The following NR5A2 variants were observed in gnomAD, a reference collection of about 807,000 sequenced individuals.
The protein encoded by NR5A2 is nuclear receptor subfamily 5 group A member 2.
NR5A2 carries 26 observed loss-of-function variants against 62.7 expected under a neutral mutation model. The observed-to-expected ratio is 0.41, with a 90% CI of 0.30 to 0.58. NR5A2 has a LOEUF of 0.58. Among genes scored for constraint, NR5A2 ranks in the 20% least tolerant of loss-of-function variants. The pLI, the probability that NR5A2 is intolerant of heterozygous loss-of-function variation, is 0.22. For missense variants in NR5A2, 541 were observed against 669.1 expected (o/e 0.81, Z 2.11); for synonymous variants, 246 against 241.7 (o/e 1.02, Z -0.16).
chr1:200,067,974 A>G (rs1663572741), intron 5 of NR5A2, among the ~76,000 whole-genome samples: 1 of 152,174 alleles, frequency 6.6e-6, no homozygotes, highest in Non-Finnish European at 1.5e-5. Flanking sequence ...ATTACCTTTA[A>G]AGGTATTTTT....
intron 2 of NR5A2, among the ~76,000 whole-genome samples, chr1:200,042,376 C>A (rs1185585360): frequency 2.0e-5 from 3 of 152,040 alleles, no homozygotes; most frequent in Admixed American, 2.0e-4. Context: ...AGCTCGGGAA[C>A]CAAAGAGAAA....
chr1:200,069,543 C>T (rs558947175), intron 5 of NR5A2, among the ~76,000 whole-genome samples: 2 of 152,252 alleles, frequency 1.3e-5, no homozygotes, highest in East Asian at 3.9e-4. Flanking sequence ...CGTGAGCCAC[C>T]ACACTTGGCC....
chr1:200,137,240 T>A (rs1234712863), intron 7 of NR5A2, among the ~76,000 whole-genome samples: 3 of 151,814 alleles, frequency 2.0e-5, no homozygotes, highest in African/African-American at 7.3e-5. Context: ...AACCTCTGTC[T>A]CCCAGGTTCA....
intron 5 of NR5A2, among the ~76,000 whole-genome samples, chr1:200,093,472 A>G (rs927866342): frequency 3.9e-5 from 6 of 152,184 alleles, no homozygotes; most frequent in African/African-American, 9.7e-5. Context: ...CAATTTTTAA[A>G]AGATGTATAG....
At chr1:200,124,337 A>G (rs923198291) in intron 7 of NR5A2, among the ~76,000 whole-genome samples, 11 of 152,208 alleles carry the variant, frequency 7.2e-5, no homozygotes, top group Non-Finnish European at 1.3e-4. Flanking sequence ...ATTCTTCACT[A>G]AAGTTTGTTA....
Position 200,048,544 on chromosome 1 carries a change from G to A in NR5A2, c.836G>A (p.Ser279Asn). 6.2e-7 allele frequency: 1 copy of A among 1,614,076 alleles called. No individual in the cohort carries two copies. The highest frequency in any genetic ancestry group is 8.5e-7 in the Non-Finnish European group (1 of 1,180,022). ...IKSEYPDPYT[S>N]SPESIMGYSY... ...TCTGAGTACCCAGACCCCTATACCA[G>A]CTCACCCGAGTCCATAATGGGCTAT... Residue 279 changes from serine (S) to asparagine (N), a missense_variant, in exon 5 of 8, where the codon AGC (serine) becomes AAC (asparagine). By Grantham distance (46) the Ser-to-Asn change is conservative (BLOSUM62 1). Around this residue, in one of 3 missense-constraint regions of NR5A2, gnomAD observed 379 missense variants for 442.0 expected, o/e 0.86. Coordinates refer to ENST00000367362, the MANE Select transcript of NR5A2 (RefSeq NM_205860.3). This position sits in a 1 kb window ranked among gnomAD's most constrained non-coding sequence, Gnocchi z 4.8.
chr1:200,031,983 A>G (rs1214247161), intron 1 of NR5A2, among the ~76,000 whole-genome samples: 1 of 152,136 alleles, frequency 6.6e-6, no homozygotes, highest in Non-Finnish European at 1.5e-5. Flanking sequence ...ACCAGACACA[A>G]TGTCTAGGAT....
chr1:200,068,988 A>G (rs184845208), intron 5 of NR5A2, among the ~76,000 whole-genome samples: 93 of 152,312 alleles, frequency 6.1e-4, no homozygotes, highest in Non-Finnish European at 1.2e-3. Context: ...GGGACTATCA[A>G]GAAAGTCATG....
At chr1:200,161,995 G>A (rs920737961) in intron 7 of NR5A2, among the ~76,000 whole-genome samples, 1 of 152,120 alleles carries the variant, frequency 6.6e-6, no homozygotes, top group Non-Finnish European at 1.5e-5. Context: ...ACCAGTAACC[G>A]GAGAATCCAG....
intron 5 of NR5A2, among the ~76,000 whole-genome samples, chr1:200,086,739 T>G (rs2737662): frequency 0.53 from 79,924 of 152,092 alleles, 21,131 homozygotes; most frequent in African/African-American, 0.58. Context: ...TCCTGACCTG[T>G]GCTAAAATTG....
At chr1:200,078,619 CT>C (rs1038119622) in intron 5 of NR5A2, among the ~76,000 whole-genome samples, 8 of 152,086 alleles carry the variant, frequency 5.3e-5, no homozygotes, top group African/African-American at 1.7e-4. Context: ...TACCCCTCTA[CT>C]TTTTTTAGCC....
intron 7 of NR5A2, among the ~76,000 whole-genome samples, chr1:200,136,226 T>G (rs1558160927): frequency 6.6e-6 from 1 of 151,602 alleles, no homozygotes; most frequent in Non-Finnish European, 1.5e-5. Flanking sequence ...TTTCTTTCTT[T>G]TTTTTTTTTG....
rs147916109 is a variant in NR5A2 at position 200,089,408 on chromosome 1, C to T, written c.1111-21794C>T. ...ACTCCTGTCCTCAAGTGATCCGCCT[C>T]AGCCTCCCAAAATGCTGGGATTACA... On this transcript the variant is annotated intron_variant, in intron 5 of 7. Transcript: ENST00000367362. 5.1e-4 allele frequency among the ~76,000 whole-genome samples: 78 copies of T among 152,276 alleles called. 1 individual carries two copies. Among genetic ancestry groups the T allele is most frequent in the African/African-American group, 1.8e-3 (73 of 41,570 alleles).
chr1:200,064,381 C>A (rs1484931225), intron 5 of NR5A2, among the ~76,000 whole-genome samples: 10 of 152,128 alleles, frequency 6.6e-5, no homozygotes, highest in Non-Finnish European at 1.5e-4. Flanking sequence ...CAACTTAATT[C>A]CCATAGACAA....
At chr1:200,073,259 T>C (rs1453811627) in intron 5 of NR5A2, among the ~76,000 whole-genome samples, 5 of 91,448 alleles carry the variant, frequency 5.5e-5, no homozygotes, top group Non-Finnish European at 1.0e-4. Context: ...TATATATATA[T>C]ATTCCCCTTT....
At chr1:200,042,343 C>T (rs1558099145) in intron 2 of NR5A2, among the ~76,000 whole-genome samples, 1 of 152,196 alleles carries the variant, frequency 6.6e-6, no homozygotes, top group Non-Finnish European at 1.5e-5. Flanking sequence ...AGTGACCCCC[C>T]TGACGGCCCT....
intron 7 of NR5A2, among the ~76,000 whole-genome samples, chr1:200,171,088 A>G (rs573201489): frequency 6.6e-6 from 1 of 152,160 alleles, no homozygotes; most frequent in South Asian, 2.1e-4. Context: ...AGAAGCCAGC[A>G]TCAAGGCAGG....
rs1182708915 is a variant in NR5A2, at chr1:200,176,832, A to G, written c.*2622A>G. ...TGACTCTTAAAATCTATGTTCTCTTATTTTAAAGATACAGTGCTCCCCACT... is the reference window on the plus strand; with the variant it reads ...TGACTCTTAAAATCTATGTTCTCTTGTTTTAAAGATACAGTGCTCCCCACT... On this transcript the variant is annotated 3_prime_UTR_variant, in exon 8 of 8. Coordinates refer to ENST00000367362, the MANE Select transcript of NR5A2 (RefSeq NM_205860.3). 6.6e-6 allele frequency: 1 copy of G among 152,070 alleles called. No individual in the cohort carries two copies. The highest frequency in any genetic ancestry group is 1.5e-5 in the Non-Finnish European group (1 of 68,018). The allele number at this position is 152,070 out of a possible 1,614,324, so 9.4% of individuals were successfully genotyped here. A position where few individuals can be genotyped will look rare whatever the true frequency, so the allele number is the denominator to read the frequency against.
At chr1:200,120,629 C>T (rs1446805755) in intron 6 of NR5A2, among the ~76,000 whole-genome samples, 179 bp from the exon 7 acceptor site, 1 of 152,082 alleles carries the variant, frequency 6.6e-6, no homozygotes, top group African/African-American at 2.4e-5. Context: ...AGGCCAAGGC[C>T]AGAGGATCAC....
Sources: allele counts gnomAD v4.1 joint callset (sites outside exome capture counted in the v4.1 genomes callset), GRCh38; gene constraint gnomAD v4.1.1; regional missense constraint gnomAD v4.1.1; non-coding constraint Gnocchi (gnomAD v3.1); transcripts MANE v1.5; gene names NCBI Gene and HGNC (gene_info 2026-07-23, HGNC 2026-07-21).